The following PBX1 variants were observed in gnomAD, a reference collection of about 807,000 sequenced individuals.
The protein encoded by PBX1 is PBX homeobox 1, also known as pre-B-cell leukemia transcription factor 1.
In PBX1, 6 loss-of-function variants were observed where a neutral mutation model predicts 53.4. The observed-to-expected ratio is 0.11, with a 90% CI of 0.06 to 0.22. The LOEUF (loss-of-function observed/expected upper bound fraction) is 0.22. Among genes scored for constraint, PBX1 ranks in the 10% least tolerant of loss-of-function variants. The pLI, the probability that PBX1 is intolerant of heterozygous loss-of-function variation, is 1.00. For missense variants in PBX1, 251 were observed against 551.4 expected (o/e 0.46, Z 5.46); for synonymous variants, 204 against 212.3 (o/e 0.96, Z 0.34).
intron 2 of PBX1, chr1:164,770,148 A>G (rs1431081214): frequency 6.6e-6 from 1 of 152,250 alleles, no homozygotes; most frequent in East Asian, 1.9e-4. Context: ...CTATCAAAAT[A>G]AAGAAGTCTA....
At chr1:164,724,167 T>C (rs1664558462) in intron 2 of PBX1, among the ~76,000 whole-genome samples, 1 of 152,208 alleles carries the variant, frequency 6.6e-6, no homozygotes, top group Non-Finnish European at 1.5e-5. Context: ...AAGTCTTTGT[T>C]GCATGGAGGT....
chr1:164,578,291 T>C (rs376011500), intron 2 of PBX1, among the ~76,000 whole-genome samples: 1 of 152,238 alleles, frequency 6.6e-6, no homozygotes, highest in Non-Finnish European at 1.5e-5. Context: ...TAAAATATTT[T>C]TGAATGCCCT....
intron 2 of PBX1, among the ~76,000 whole-genome samples, chr1:164,645,681 C>T (rs1270447786): frequency 6.6e-6 from 1 of 152,034 alleles, no homozygotes; most frequent in Non-Finnish European, 1.5e-5. Flanking sequence ...ATTATTCTTG[C>T]CAACACGTAC....
At chr1:164,616,814 T>C (rs951850566) in intron 2 of PBX1, among the ~76,000 whole-genome samples, 32 of 152,246 alleles carry the variant, frequency 2.1e-4, no homozygotes, top group African/African-American at 6.8e-4. Flanking sequence ...GGCATAGTGC[T>C]AAACCCATTG....
At chr1:164,730,996 T>C (rs1020094228) in intron 2 of PBX1, among the ~76,000 whole-genome samples, 5 of 152,130 alleles carry the variant, frequency 3.3e-5, no homozygotes, top group African/African-American at 1.2e-4. Context: ...CATAGAGGGG[T>C]AGCATTCATC....
chr1:164,630,360 T>C (rs989576587), intron 2 of PBX1, among the ~76,000 whole-genome samples: 2 of 152,144 alleles, frequency 1.3e-5, no homozygotes, highest in Admixed American at 6.5e-5. Flanking sequence ...ATGCTCTGTT[T>C]TAGATCTTCA....
chr1:164,693,309 G>C (rs1285678946), intron 2 of PBX1, among the ~76,000 whole-genome samples: 1 of 152,210 alleles, frequency 6.6e-6, no homozygotes, highest in Non-Finnish European at 1.5e-5. Context: ...AGATACACAG[G>C]GTGCCTGCTG....
chr1:164,865,079 A>G lies in PBX1; in HGVS notation n.257+33596A>G, dbSNP rs138244301. On this transcript the variant is annotated intron_variant and non_coding_transcript_variant, in intron 2 of 2. Transcript: ENST00000558796. ...TATTGGCACCACCAATTTGTCTAGC[A>G]TTTTATAAGGTGTACTGACACATTC... Among the ~76,000 whole-genome samples the G allele has an allele frequency of 7.4e-3, 1,128 of 152,274 alleles. 10 individuals carry two copies. Among genetic ancestry groups the G allele is most frequent in the African/African-American group, 0.026 (1,090 of 41,550 alleles).
At chr1:164,689,098 A>G (rs1319727520) in intron 2 of PBX1, among the ~76,000 whole-genome samples, 1 of 152,226 alleles carries the variant, frequency 6.6e-6, no homozygotes, top group East Asian at 1.9e-4. Context: ...GTGTTTAAAC[A>G]CCAGAATTGA....
Position 164,776,942 on chromosome 1 carries a change from G to GAGAGAGAGA in PBX1, c.266-15552_266-15551insAGAGAGAGA, listed in dbSNP as rs749459325. On this transcript the variant is annotated intron_variant, in intron 2 of 8. Coordinates refer to ENST00000420696, the MANE Select transcript of PBX1 (RefSeq NM_002585.4). ...GTGTGTGTGTGTGTGTGTGGTGGGA[G>GAGAGAGAGA]GAGAGAGAGAGAGAGAGAGAGAGAG... is the stretch of plus-strand genomic sequence containing the variant. Among the ~76,000 whole-genome samples the GAGAGAGAGA allele has an allele frequency of 5.0e-4, 22 of 43,566 alleles. 3 individuals carry two copies. In the East Asian group the frequency reaches 0.013, roughly 26 times the overall value. The allele number at this position is 43,566 out of a possible 152,430, so 28.6% of individuals were successfully genotyped here.
chr1:164,807,718 TGGCGG>T, intron 5 of PBX1, 41 bp downstream of exon 5: 1 of 1,606,746 alleles, frequency 6.2e-7, no homozygotes, highest in Non-Finnish European at 8.5e-7. Flanking sequence ...AGCCTGGCCA[TGGCGG>T]GGCCTCCGGG....
At chr1:164,819,718 C>A in intron 6 of PBX1, 1 of 175,244 alleles carries the variant, frequency 5.7e-6, no homozygotes, top group Non-Finnish European at 1.2e-5. Flanking sequence ...GGTCCCCTGG[C>A]CAACCCTAGA....
chr1:164,729,381 CCTTAT>C (rs566993023), intron 2 of PBX1, among the ~76,000 whole-genome samples: 33 of 151,914 alleles, frequency 2.2e-4, no homozygotes, highest in Non-Finnish European at 3.7e-4. Context: ...TCCTTTTTTT[CCTTAT>C]CTTTATCATC....
At chr1:164,858,473 ACACACG>A (rs1571537062) in intron 2 of PBX1, among the ~76,000 whole-genome samples, 3 of 142,186 alleles carry the variant, frequency 2.1e-5, no homozygotes, top group Admixed American at 7.0e-5. Context: ...ACACACACAC[ACACACG>A]CTGTGGCTGA....
chr1:164,878,953 C>T (rs1188082960), intron 2 of PBX1, among the ~76,000 whole-genome samples: 1 of 152,154 alleles, frequency 6.6e-6, no homozygotes, highest in Admixed American at 6.6e-5. Context: ...ATAGGAGAAA[C>T]TTAAGTGTTC....
At chr1:164,685,116 G>A (rs910184587) in intron 2 of PBX1, among the ~76,000 whole-genome samples, 8 of 152,154 alleles carry the variant, frequency 5.3e-5, no homozygotes, top group African/African-American at 1.7e-4. Context: ...TGACCAAGAC[G>A]CGGGCCTCGT....
intron 2 of PBX1, among the ~76,000 whole-genome samples, chr1:164,593,789 C>T (rs1379930607): frequency 6.6e-6 from 1 of 152,148 alleles, no homozygotes; most frequent in African/African-American, 2.4e-5. Context: ...ACACATAATG[C>T]AGGCACTTAT....
chr1:164,804,914 G>A (rs751546434), intron 4 of PBX1, among the ~76,000 whole-genome samples: 6 of 152,212 alleles, frequency 3.9e-5, no homozygotes, highest in Non-Finnish European at 8.8e-5. Context: ...GGTAAAAGGT[G>A]ATCTTAGTTT....
At chr1:164,680,481 G>A (rs940055766) in intron 2 of PBX1, 7 of 152,118 alleles carry the variant, frequency 4.6e-5, no homozygotes, top group Non-Finnish European at 8.8e-5. Flanking sequence ...CAGATAAAGC[G>A]ATCTGATTTT....
Sources: gnomAD v4.1 joint callset for allele counts (sites outside exome capture counted in the v4.1 genomes callset) on GRCh38, gnomAD v4.1.1 for gene constraint, MANE v1.5 for transcripts, NCBI Gene and HGNC (gene_info 2026-07-23, HGNC 2026-07-21) for gene names.